Variants in TMEM154 observed in about 807,000 individuals in gnomAD.
The protein encoded by TMEM154 is transmembrane protein 154.
In TMEM154, 27 loss-of-function variants were observed where a neutral mutation model predicts 24.5. The observed-to-expected ratio is 1.10, with a 90% CI of 0.81 to 1.52. The LOEUF (loss-of-function observed/expected upper bound fraction) is 1.52. TMEM154 is among the 40% of genes most tolerant of loss of function. The pLI, the probability that TMEM154 is intolerant of heterozygous loss-of-function variation, is 0.00. For missense variants in TMEM154, 228 were observed against 213.4 expected, an observed-to-expected ratio of 1.07 and a Z score of -0.43; for synonymous variants, 67 against 76.8, an observed-to-expected ratio of 0.87 and a Z score of 0.67.
At chr4:152,654,321 A>C (rs1212403999) in intron 1 of TMEM154, among the ~76,000 whole-genome samples, 1 of 152,266 alleles carries the variant, frequency 6.6e-6, no homozygotes, top group Non-Finnish European at 1.5e-5. Flanking sequence ...ATGCAAATAC[A>C]GAAGTCAGCT....
At chr4:152,673,276 C>A (rs1008904653) in intron 1 of TMEM154, among the ~76,000 whole-genome samples, 1 of 151,126 alleles carries the variant, frequency 6.6e-6, no homozygotes, top group Non-Finnish European at 1.5e-5. Context: ...TTTTTCCCAC[C>A]CCGCTTCTGC....
intron 3 of TMEM154, chr4:152,646,577 C>G (rs1728240036): frequency 5.0e-6 from 1 of 198,592 alleles, no homozygotes; most frequent in African/African-American, 2.4e-5. Context: ...AACCAGGAGG[C>G]AAATGCAGCT....
chr4:152,657,628 T>C (rs1728515121), intron 1 of TMEM154, among the ~76,000 whole-genome samples: 1 of 152,176 alleles, frequency 6.6e-6, no homozygotes, highest in Non-Finnish European at 1.5e-5. Context: ...CAAATAGATA[T>C]AATTCAACAA....
chr4:152,649,053 C>G (rs551374188), intron 3 of TMEM154, among the ~76,000 whole-genome samples: 1 of 152,336 alleles, frequency 6.6e-6, no homozygotes, highest in African/African-American at 2.4e-5. Context: ...AGGAAATACT[C>G]TTCGGGGCTT....
intron 3 of TMEM154, chr4:152,646,931 C>T (rs1000216403): frequency 1.4e-6 from 1 of 702,476 alleles, no homozygotes; most frequent in Non-Finnish European, 2.6e-6. Context: ...CCGCTGTTTT[C>T]CCTGCAGCTC....
chr4:152,647,222 C>T (rs13116579), intron 3 of TMEM154: 82,812 of 972,892 alleles, frequency 0.085, 3,911 homozygotes, highest in African/African-American at 0.16. Context: ...CTTCTAACTT[C>T]CCAGGGGACA....
chr4:152,661,286 C>T (rs1457166428), intron 1 of TMEM154, among the ~76,000 whole-genome samples: 1 of 25,782 alleles, frequency 3.9e-5, no homozygotes, highest in African/African-American at 1.4e-4. Context: ...TGTTCTCTTT[C>T]TCTCTCTCTC....
At position 152,628,216 on chromosome 4, in the gene TMEM154, C is replaced by A; in HGVS notation, c.*330G>T. On this transcript the variant is annotated 3_prime_UTR_variant, in exon 7 of 7. Transcript: ENST00000304385. The stretch of plus-strand genomic sequence containing the variant: ...GAAAGGTGACGAACATTTATCATGA[C>A]CAGAGTGAGTTCAGTGAGCTAGAAG... 2.6e-6 allele frequency: 1 copy of A among 390,502 alleles called. No individual in the cohort carries two copies. The highest frequency in any genetic ancestry group is 4.2e-5 in the Admixed American group (1 of 23,616). The allele number at this position is 390,502 out of a possible 1,614,324, so 24.2% of individuals were successfully genotyped here.
At chr4:152,675,888 T>C (rs1021609671) in intron 1 of TMEM154, among the ~76,000 whole-genome samples, 5 of 152,212 alleles carry the variant, frequency 3.3e-5, no homozygotes, top group Non-Finnish European at 7.3e-5. Context: ...TTCCCTCTTA[T>C]GGTTTCCTGG....
chr4:152,645,102 A>G (rs368149315), intron 3 of TMEM154, among the ~76,000 whole-genome samples: 5 of 125,358 alleles, frequency 4.0e-5, no homozygotes, highest in African/African-American at 1.5e-4. Flanking sequence ...ACAATTTCTC[A>G]TTGGTCAACC....
chr4:152,655,015 G>A (rs915155099), intron 1 of TMEM154, among the ~76,000 whole-genome samples: 7 of 151,966 alleles, frequency 4.6e-5, no homozygotes, highest in Non-Finnish European at 8.8e-5. Context: ...ATGTGTATAT[G>A]CCAAAGGCAG....
At position 152,643,061 on chromosome 4, in the gene TMEM154, A is replaced by G. The variant is rs752396707; in HGVS notation, c.478+27T>C. On this transcript the variant is annotated intron_variant, in intron 5 of 6. Coordinates refer to ENST00000304385, the MANE Select transcript of TMEM154 (RefSeq NM_152680.3). ...CCTTCTGTTACTAGAGAGGAAAGAA[A>G]AAAAACAACTTTAGGTTACCACATA... 2.5e-6 allele frequency: 4 copies of G among 1,584,872 alleles called. No individual in the cohort carries two copies. The Admixed American group carries it at 7.0e-5, about 28-fold the overall frequency.
intron 1 of TMEM154, among the ~76,000 whole-genome samples, chr4:152,656,077 C>T (rs1272946205): frequency 6.6e-6 from 1 of 152,180 alleles, no homozygotes; most frequent in Non-Finnish European, 1.5e-5. Context: ...TCTGCTGCCA[C>T]CATCATAGTT....
chr4:152,662,465 C>T (rs999421790), intron 1 of TMEM154, among the ~76,000 whole-genome samples: 2 of 152,094 alleles, frequency 1.3e-5, no homozygotes, highest in African/African-American at 4.8e-5. Flanking sequence ...GCCATAGAAT[C>T]AGATCAGCAG....
chr4:152,639,096 G>A (rs1579512963), intron 6 of TMEM154, among the ~76,000 whole-genome samples: 1 of 151,982 alleles, frequency 6.6e-6, no homozygotes, highest in South Asian at 2.1e-4. Context: ...GATTACAGGT[G>A]CCCGCCACAA....
intron 1 of TMEM154, chr4:152,670,130 T>C (rs1241197727): frequency 1.3e-5 from 2 of 152,212 alleles, no homozygotes; most frequent in Non-Finnish European, 2.9e-5. Flanking sequence ...TTTTGCCACT[T>C]ATTGTGTATT....
chr4:152,675,497 C>T (rs993545843), intron 1 of TMEM154, among the ~76,000 whole-genome samples: 3 of 151,970 alleles, frequency 2.0e-5, no homozygotes, highest in Admixed American at 6.6e-5. Context: ...TGTGCTGGCA[C>T]ATGCCTGTAA....
intron 1 of TMEM154, among the ~76,000 whole-genome samples, chr4:152,671,873 A>T (rs1241507990): frequency 1.3e-5 from 2 of 151,878 alleles, no homozygotes; most frequent in East Asian, 3.9e-4. Flanking sequence ...TGACATGTCC[A>T]GGGAAAACCG....
At position 152,628,579 on chromosome 4, in the gene TMEM154, AAAAAAAAAAAAAACAAAAAAAAC is replaced by A; in HGVS notation, c.537-41_537-19del. 1 of 1,153,916 alleles carries A rather than the reference AAAAAAAAAAAAAACAAAAAAAAC, an allele frequency of 8.7e-7. No homozygotes were observed. The highest frequency in any genetic ancestry group is 1.1e-6 in the Non-Finnish European group (1 of 876,152). The allele number at this position is 1,153,916 out of a possible 1,614,324, so 71.5% of individuals were successfully genotyped here. On this transcript the variant is annotated intron_variant, in intron 6 of 6. Coordinates refer to ENST00000304385, the MANE Select transcript of TMEM154 (RefSeq NM_152680.3). ...CACTGTCACTGTAAAAAAAAAAAAA[AAAAAAAAAAAAAACAAAAAAAAC>A]ACACACACACACACAAAACAGTAAT...
Sources: allele counts gnomAD v4.1 joint callset (sites outside exome capture counted in the v4.1 genomes callset), GRCh38; gene constraint gnomAD v4.1.1; transcripts MANE v1.5; gene names NCBI Gene and HGNC (gene_info 2026-07-23, HGNC 2026-07-21).